The following SDCCAG8 variants were observed in gnomAD, a reference collection of about 807,000 sequenced individuals.
SDCCAG8 encodes SHH signaling and ciliogenesis regulator SDCCAG8, also known as serologically defined colon cancer antigen 8.
A neutral mutation model predicts 101.8 loss-of-function variants in SDCCAG8; 74 were observed. The ratio of observed to expected loss-of-function variants is 0.73; its 90% CI spans 0.60 to 0.88. SDCCAG8 has a LOEUF of 0.88. SDCCAG8 is among the 40% of genes least tolerant of loss of function. The pLI is 0.00. For synonymous variants in SDCCAG8, 281 were observed against 292.9 expected (o/e 0.96, Z 0.41); for missense variants, 787 against 822.6 (o/e 0.96, Z 0.53).
At chr1:243,304,301 A>G (rs1202544133) in intron 6 of SDCCAG8, among the ~76,000 whole-genome samples, 2 of 152,264 alleles carry the variant, frequency 1.3e-5, no homozygotes, top group Admixed American at 1.3e-4. Flanking sequence ...GAGTTAGTCT[A>G]TCATCATGTG....
At chr1:243,284,314 T>C (rs945351166) in intron 4 of SDCCAG8, among the ~76,000 whole-genome samples, 2 of 152,218 alleles carry the variant, frequency 1.3e-5, no homozygotes, top group African/African-American at 4.8e-5. Context: ...TCCTTCAGTG[T>C]CCTGGTCTTG....
At chr1:243,422,781 T>G (rs1302704165) in intron 15 of SDCCAG8, among the ~76,000 whole-genome samples, 4 of 152,188 alleles carry the variant, frequency 2.6e-5, no homozygotes, top group Non-Finnish European at 4.4e-5. Flanking sequence ...TGAAAGCAAT[T>G]ATCATTTTAA....
At chr1:243,301,666 A>G (rs948601820) in intron 6 of SDCCAG8, among the ~76,000 whole-genome samples, 4 of 152,208 alleles carry the variant, frequency 2.6e-5, no homozygotes, top group Non-Finnish European at 4.4e-5. Flanking sequence ...CTTTTGCACA[A>G]TGCCTTTTTA....
At chr1:243,277,719 A>G (rs1274160789) in intron 4 of SDCCAG8, among the ~76,000 whole-genome samples, 1 of 152,186 alleles carries the variant, frequency 6.6e-6, no homozygotes, top group East Asian at 1.9e-4. Flanking sequence ...AAAATTTATT[A>G]CCAAATCCAG....
intron 1 of SDCCAG8, among the ~76,000 whole-genome samples, chr1:243,261,858 C>CTTTTTTTTTTT (rs371602212): frequency 2.2e-5 from 3 of 136,390 alleles, no homozygotes; most frequent in African/African-American, 2.7e-5. Flanking sequence ...TTTTCTTTTT[C>CTTTTTTTTTTT]TTTTTTTTTT....
intron 1 of SDCCAG8, among the ~76,000 whole-genome samples, chr1:243,260,850 G>T (rs1165640866): frequency 6.6e-6 from 1 of 152,132 alleles, no homozygotes; most frequent in African/African-American, 2.4e-5. Context: ...TGAATTTATG[G>T]GAAGAGTGTG....
chr1:243,496,928 C>CA (rs1282874220), intron 17 of SDCCAG8, among the ~76,000 whole-genome samples: 1 of 152,222 alleles, frequency 6.6e-6, no homozygotes, highest in African/African-American at 2.4e-5. Flanking sequence ...GACAGCACGG[C>CA]AGGGGAGCAG....
At chr1:243,352,851 A>G (rs2076156504) in intron 12 of SDCCAG8, among the ~76,000 whole-genome samples, 1 of 152,110 alleles carries the variant, frequency 6.6e-6, no homozygotes, top group Non-Finnish European at 1.5e-5. Context: ...TTCATTTAAC[A>G]TTATCTTAAG....
chr1:243,301,121 C>A (rs2071460662), intron 6 of SDCCAG8, among the ~76,000 whole-genome samples: 1 of 152,024 alleles, frequency 6.6e-6, no homozygotes, highest in South Asian at 2.1e-4. Flanking sequence ...CGGAGTCATT[C>A]TCAGGAGGAA....
Position 243,293,095 on chromosome 1 carries a change from A to G in SDCCAG8, c.551A>G (p.Asn184Ser). The part of the protein sequence containing the change: ...REQTLLDASG[N>S]MHNSWITTGE... ...TACTGGCACATTTTATTTTAGGGAA[A>G]CATGCACAATTCTTGGATTACAACA... is the stretch of plus-strand genomic sequence containing the variant. The change falls in exon 6 of 18, where the codon AAC becomes AGC. Residue 184 changes from asparagine (N) to serine (S), a missense_variant. Asn to Ser is a conservative substitution (Grantham distance 46). Coordinates refer to ENST00000366541, the MANE Select transcript of SDCCAG8 (RefSeq NM_006642.5). 1 of 1,614,134 alleles carries G rather than the reference A, an allele frequency of 6.2e-7. No individual in the cohort carries two copies. The highest frequency in any genetic ancestry group is 8.5e-7 in the Non-Finnish European group (1 of 1,179,998).
intron 1 of SDCCAG8, among the ~76,000 whole-genome samples, chr1:243,266,470 C>T (rs374080934): frequency 1.3e-5 from 2 of 152,020 alleles, no homozygotes; most frequent in East Asian, 3.9e-4. Flanking sequence ...GCACACAACA[C>T]CACAACCTGC....
At chr1:243,301,083 A>G (rs1318603080) in intron 6 of SDCCAG8, among the ~76,000 whole-genome samples, 1 of 152,218 alleles carries the variant, frequency 6.6e-6, no homozygotes, top group Non-Finnish European at 1.5e-5. Flanking sequence ...ATTTTTCAAA[A>G]CTTATGTACA....
intron 8 of SDCCAG8, among the ~76,000 whole-genome samples, chr1:243,311,702 G>T (rs1040836788): frequency 7.9e-5 from 12 of 151,906 alleles, no homozygotes; most frequent in African/African-American, 2.9e-4. Context: ...ATCACTTGAG[G>T]CCAGGTGTTT....
intron 16 of SDCCAG8, among the ~76,000 whole-genome samples, chr1:243,443,755 T>C (rs1200598963): frequency 1.3e-5 from 2 of 152,202 alleles, no homozygotes; most frequent in Non-Finnish European, 1.5e-5. Context: ...TCTGTTTCCA[T>C]AATGGTCCAG....
At chr1:243,309,866 TTTTG>T (rs2072541946) in intron 8 of SDCCAG8, among the ~76,000 whole-genome samples, 1 of 139,268 alleles carries the variant, frequency 7.2e-6, no homozygotes, top group Non-Finnish European at 1.6e-5. Context: ...TGTTTGTTTG[TTTTG>T]TTTTTGTTTT....
At position 243,398,715 on chromosome 1, in the gene SDCCAG8, C is replaced by T. The variant is rs149493512; in HGVS notation, c.1617-16987C>T. 5.8e-3 allele frequency among the ~76,000 whole-genome samples: 880 copies of T among 152,174 alleles called. 15 individuals carry two copies. Among genetic ancestry groups the T allele is most frequent in the African/African-American group, 0.019 (804 of 41,542 alleles). On this transcript the variant is annotated intron_variant, in intron 13 of 17. Coordinates refer to ENST00000366541, the MANE Select transcript of SDCCAG8 (RefSeq NM_006642.5). The stretch of plus-strand genomic sequence containing the variant: ...GAACTACGGGGTTCAAATTGAAAGA[C>T]AGTAAAAAGAAACTGCAACAATCAG...
intron 16 of SDCCAG8, among the ~76,000 whole-genome samples, chr1:243,443,464 C>T (rs540154402): frequency 1.3e-5 from 2 of 152,168 alleles, no homozygotes; most frequent in African/African-American, 4.8e-5. Flanking sequence ...AGGATGGGGG[C>T]CATGTGCACA....
intron 13 of SDCCAG8, among the ~76,000 whole-genome samples, chr1:243,409,375 A>G (rs889325435): frequency 1.3e-5 from 2 of 152,214 alleles, no homozygotes; most frequent in Non-Finnish European, 2.9e-5. Context: ...ATATATTCAT[A>G]TAGGATACAG....
At chr1:243,391,353 A>T (rs1196365484) in intron 13 of SDCCAG8, among the ~76,000 whole-genome samples, 2 of 152,186 alleles carry the variant, frequency 1.3e-5, no homozygotes, top group Admixed American at 6.5e-5. Context: ...ACTTCAAGTA[A>T]ACACATTTTT....
Sources: allele counts gnomAD v4.1 joint callset (sites outside exome capture counted in the v4.1 genomes callset), GRCh38; gene constraint gnomAD v4.1.1; transcripts MANE v1.5; gene names NCBI Gene and HGNC (gene_info 2026-07-23, HGNC 2026-07-21).